The following KLF12 variants were observed in gnomAD, a reference collection of about 807,000 sequenced individuals.
The protein encoded by KLF12 is Krueppel-like factor 12.
KLF12 carries 9 observed loss-of-function variants against 37.8 expected under a neutral mutation model. The observed-to-expected ratio is 0.24, with a 90% CI of 0.14 to 0.42. KLF12 has a LOEUF of 0.42. Among genes scored for constraint, KLF12 ranks in the 10% least tolerant of loss-of-function variants. The probability of loss-of-function intolerance (pLI) is 1.00; values close to 1 mark genes in which losing one functional copy is unlikely to be tolerated. For missense variants in KLF12, 411 were observed against 516.0 expected (o/e 0.80, Z 1.97); for synonymous variants, 208 against 202.1 (o/e 1.03, Z -0.25).
chr13:74,110,819 C>T (rs142987895), intron 1 of KLF12, among the ~76,000 whole-genome samples: 1 of 152,132 alleles, frequency 6.6e-6, no homozygotes, highest in African/African-American at 2.4e-5. Context: ...TTGTAATCTG[C>T]AAATAGGATA....
chr13:73,749,535 A>C (rs1443020849), intron 6 of KLF12, among the ~76,000 whole-genome samples: 1 of 152,188 alleles, frequency 6.6e-6, no homozygotes, highest in African/African-American at 2.4e-5. Flanking sequence ...ATGCTTTTTT[A>C]TTGGACTAAT....
At chr13:73,754,529 A>T (rs564672680) in intron 6 of KLF12, among the ~76,000 whole-genome samples, 1 of 152,300 alleles carries the variant, frequency 6.6e-6, no homozygotes, top group African/African-American at 2.4e-5. Context: ...TTCTGAGAGT[A>T]TATTTGAAAA....
At chr13:74,010,240 G>T (rs1437848269) in intron 1 of KLF12, among the ~76,000 whole-genome samples, 4 of 152,094 alleles carry the variant, frequency 2.6e-5, no homozygotes, top group African/African-American at 4.8e-5. Flanking sequence ...ACCACGCCCA[G>T]ATGTTTTAAT....
At chr13:73,977,186 C>T (rs1347971504) in intron 2 of KLF12, among the ~76,000 whole-genome samples, 1 of 151,778 alleles carries the variant, frequency 6.6e-6, no homozygotes, top group Admixed American at 6.6e-5. Context: ...GGACTACAGG[C>T]ATGAGCCACC....
the KLF12 span, among the ~76,000 whole-genome samples, chr13:74,183,684 C>T: frequency 2.0e-5 from 3 of 152,108 alleles, no homozygotes; most frequent in South Asian, 6.2e-4. Flanking sequence ...TCCTGTAATC[C>T]CAGCACTTTG....
chr13:74,075,465 C>A (rs1267364267), intron 1 of KLF12, among the ~76,000 whole-genome samples: 1 of 152,094 alleles, frequency 6.6e-6, no homozygotes, highest in Non-Finnish European at 1.5e-5. Context: ...AGGTCCCATG[C>A]CAGATTAAAT....
intron 1 of KLF12, among the ~76,000 whole-genome samples, chr13:74,006,739 C>T (rs894508307): frequency 7.2e-5 from 11 of 152,158 alleles, no homozygotes; most frequent in Non-Finnish European, 1.6e-4. Flanking sequence ...TCAATGTTAA[C>T]ACCCTTTTCT....
chr13:73,824,906 A>G (rs913959402), intron 4 of KLF12, among the ~76,000 whole-genome samples: 73 of 152,186 alleles, frequency 4.8e-4, no homozygotes, highest in African/African-American at 1.7e-3. Context: ...CATCTCTACT[A>G]AAAATACAAA....
At chr13:74,129,438 T>C (rs935021342) in intron 1 of KLF12, among the ~76,000 whole-genome samples, 25 of 152,194 alleles carry the variant, frequency 1.6e-4, no homozygotes, top group African/African-American at 5.8e-4. Context: ...ACACAATTCA[T>C]GGCTGTCAAA....
At chr13:74,253,863 C>G in the KLF12 span, among the ~76,000 whole-genome samples, 29 of 152,152 alleles carry the variant, frequency 1.9e-4, no homozygotes, top group Non-Finnish European at 3.2e-4. Flanking sequence ...AGTATGTGAG[C>G]TCCATAGTGC....
At chr13:74,005,442 C>A (rs117396296) in intron 1 of KLF12, among the ~76,000 whole-genome samples, 5,368 of 152,210 alleles carry the variant, frequency 0.035, 127 homozygotes, top group Non-Finnish European at 0.058. Flanking sequence ...ACATATATTT[C>A]AAAATTTAAA....
chr13:73,803,772 T>TCACACACA (rs4053528), intron 5 of KLF12, among the ~76,000 whole-genome samples: 451 of 142,050 alleles, frequency 3.2e-3, no homozygotes, highest in Non-Finnish European at 4.0e-3. Context: ...TACTGCAGAG[T>TCACACACA]CACACACACA....
chr13:74,079,758 G>A (rs1409757524), intron 1 of KLF12, among the ~76,000 whole-genome samples: 2 of 152,138 alleles, frequency 1.3e-5, no homozygotes, highest in South Asian at 2.1e-4. Flanking sequence ...GTGAAAAATC[G>A]AAACTCTTGT....
At chr13:74,162,174 G>A in the KLF12 span, among the ~76,000 whole-genome samples, 5 of 152,194 alleles carry the variant, frequency 3.3e-5, no homozygotes, top group African/African-American at 9.7e-5. Context: ...AGCAAAGTTA[G>A]GACCATGGGA....
chr13:74,278,012 G>C, the KLF12 span, among the ~76,000 whole-genome samples: 1 of 152,180 alleles, frequency 6.6e-6, no homozygotes, highest in East Asian at 1.9e-4. Flanking sequence ...GGGGCAAGCT[G>C]TATCTTACAT....
At chr13:73,971,520 T>C (rs1252510088) in intron 2 of KLF12, among the ~76,000 whole-genome samples, 1 of 151,814 alleles carries the variant, frequency 6.6e-6, no homozygotes, top group Non-Finnish European at 1.5e-5. Flanking sequence ...AGTATCTTTT[T>C]TAAGACAGGA....
intron 7 of KLF12, among the ~76,000 whole-genome samples, chr13:73,703,458 T>A (rs1874703206): frequency 6.6e-6 from 1 of 152,076 alleles, no homozygotes; most frequent in South Asian, 2.1e-4. Flanking sequence ...GTCAATTCAA[T>A]CAAATAAGTA....
At chr13:73,820,821 C>T (rs1883486438) in intron 4 of KLF12, among the ~76,000 whole-genome samples, 1 of 152,176 alleles carries the variant, frequency 6.6e-6, no homozygotes, top group Non-Finnish European at 1.5e-5. Context: ...GCTGTTGGAC[C>T]TCTCTACAGT....
intron 6 of KLF12, among the ~76,000 whole-genome samples, chr13:73,741,920 G>A (rs1277429694): frequency 1.3e-5 from 2 of 152,172 alleles, no homozygotes; most frequent in Admixed American, 6.5e-5. Flanking sequence ...CATGAGTAAG[G>A]TGGGGACTAT....
Sources: gnomAD v4.1 joint callset for allele counts (sites outside exome capture counted in the v4.1 genomes callset) on GRCh38, gnomAD v4.1.1 for gene constraint, MANE v1.5 for transcripts, NCBI Gene and HGNC (gene_info 2026-07-23, HGNC 2026-07-21) for gene names.